Variants in GSAP observed in about 807,000 individuals in gnomAD.
The protein encoded by GSAP is gamma-secretase activating protein.
Under a neutral mutation model 131.7 loss-of-function variants are expected in GSAP, and 118 were observed. That is an observed-to-expected ratio of 0.90 (90% confidence interval 0.77 to 1.04). The LOEUF is 1.04. Ranked by LOEUF, GSAP falls within the 50% of genes least tolerant of loss-of-function variation. GSAP has a pLI of 0.00. For synonymous variants in GSAP, 381 were observed against 363.4 expected (o/e 1.05, Z -0.55); for missense variants, 1,019 against 1,013.2 (o/e 1.01, Z -0.08).
intron 19 of GSAP, among the ~76,000 whole-genome samples, chr7:77,348,324 G>A (rs1436672847): frequency 6.6e-6 from 1 of 152,092 alleles, no homozygotes; most frequent in East Asian, 1.9e-4. Context: ...TCATATGTTA[G>A]TAGGACTTCA....
At chr7:77,344,854 A>G (rs548656542) in intron 19 of GSAP, among the ~76,000 whole-genome samples, 6 of 152,200 alleles carry the variant, frequency 3.9e-5, no homozygotes, top group African/African-American at 1.4e-4. Flanking sequence ...GCCATTTCTA[A>G]TCCTTCTTTA....
chr7:77,406,619 A>G (rs1419240383), intron 1 of GSAP, among the ~76,000 whole-genome samples: 1 of 152,234 alleles, frequency 6.6e-6, no homozygotes, highest in East Asian at 1.9e-4. Context: ...TCAAGCTTTT[A>G]ATCACTTACT....
intron 4 of GSAP, 23 bp downstream of exon 4, chr7:77,397,323 G>A: frequency 1.4e-6 from 2 of 1,448,586 alleles, no homozygotes; most frequent in Non-Finnish European, 1.9e-6. Flanking sequence ...TTCTTGACAT[G>A]TAGCAATAAG....
chr7:77,403,046 TCA>T (rs774507317), intron 3 of GSAP, among the ~76,000 whole-genome samples: 14 of 152,188 alleles, frequency 9.2e-5, no homozygotes, highest in Non-Finnish European at 1.2e-4. Flanking sequence ...TGTCAAGTGC[TCA>T]CAGTCTTGGG....
intron 12 of GSAP, among the ~76,000 whole-genome samples, chr7:77,366,681 TTC>T (rs1215703812): frequency 2.6e-5 from 4 of 152,220 alleles, no homozygotes; most frequent in African/African-American, 9.7e-5. Flanking sequence ...TCCAGCTTTG[TTC>T]TTTTTGCTTA....
At chr7:77,317,743 A>G (rs1787054192) in intron 26 of GSAP, among the ~76,000 whole-genome samples, 1 of 152,238 alleles carries the variant, frequency 6.6e-6, no homozygotes, top group African/African-American at 2.4e-5. Flanking sequence ...AAGCTTGAAT[A>G]TCTGTAATGA....
At chr7:77,362,554 A>G in intron 13 of GSAP, 29 bp downstream of exon 13, 1 of 1,200,660 alleles carries the variant, frequency 8.3e-7, no homozygotes, top group Non-Finnish European at 1.2e-6. Flanking sequence ...GTTATTATGT[A>G]AAAGTAACAA....
At position 77,311,955 on chromosome 7, in the gene GSAP, AC is replaced by A; in HGVS notation, c.2374-16del. The A allele has an allele frequency of 6.9e-7, 1 of 1,458,042 alleles. No homozygotes were observed. The highest frequency in any genetic ancestry group is 9.6e-7 in the Non-Finnish European group (1 of 1,037,834). 90.3% of individuals were successfully genotyped at this position (1,458,042 alleles called of 1,614,324 possible). On this transcript the variant is annotated splice_polypyrimidine_tract_variant and intron_variant, in intron 29 of 30. Coordinates refer to ENST00000257626, the MANE Select transcript of GSAP (RefSeq NM_017439.4). ...GAATTCCGAGGCTAAAAGGGAAACCACTTCTGGTGTAAGCTGATTCTCCACA... is the reference window on the plus strand; with the variant it reads ...GAATTCCGAGGCTAAAAGGGAAACCATTCTGGTGTAAGCTGATTCTCCACA...
chr7:77,318,392 C>T (rs931978026), intron 26 of GSAP, among the ~76,000 whole-genome samples: 9 of 152,130 alleles, frequency 5.9e-5, no homozygotes, highest in South Asian at 4.1e-4. Flanking sequence ...TTCAACAGTA[C>T]GTGGCACAAA....
At chr7:77,407,612 GCATCCTTGACTTATTATGTTTTAGT>G (rs1334107767) in intron 1 of GSAP, among the ~76,000 whole-genome samples, 6 of 151,986 alleles carry the variant, frequency 3.9e-5, no homozygotes, top group Non-Finnish European at 5.9e-5. Context: ...GTTGTAACAG[GCATCCTTGACTTATTATGTTTTAGT>G]ATTATGTGAT....
chr7:77,357,109 G>A (rs757498189), intron 14 of GSAP, among the ~76,000 whole-genome samples: 1 of 152,148 alleles, frequency 6.6e-6, no homozygotes, highest in Non-Finnish European at 1.5e-5. Context: ...TATGTCCGTG[G>A]GGTGGTGGCA....
chr7:77,415,312 C>G (rs2151247305), intron 1 of GSAP, among the ~76,000 whole-genome samples: 1 of 152,306 alleles, frequency 6.6e-6, no homozygotes, highest in East Asian at 1.9e-4. Flanking sequence ...ATACCCACTT[C>G]CAAATTCACT....
intron 16 of GSAP, 185 bp from the exon 17 acceptor site, chr7:77,353,826 T>G: frequency 2.1e-6 from 1 of 479,378 alleles, no homozygotes; most frequent in Non-Finnish European, 3.7e-6. Context: ...AAACGGTATT[T>G]TATAAGTGAG....
At chr7:77,334,203 G>T (rs1409833346) in intron 19 of GSAP, among the ~76,000 whole-genome samples, 1 of 152,100 alleles carries the variant, frequency 6.6e-6, no homozygotes, top group East Asian at 1.9e-4. Flanking sequence ...ACTGGATCAA[G>T]AAAATGTGGT....
Position 77,321,406 on chromosome 7 carries a change from G to T in GSAP, c.1924-3C>A. 1 of 1,591,798 alleles carries T rather than the reference G, an allele frequency of 6.3e-7. No individual in the cohort carries two copies. Among genetic ancestry groups the T allele is most frequent in the East Asian group, 2.2e-5 (1 of 44,730 alleles). On this transcript the variant is annotated splice_region_variant and splice_polypyrimidine_tract_variant and intron_variant, in intron 24 of 30. Coordinates refer to ENST00000257626, the MANE Select transcript of GSAP (RefSeq NM_017439.4). ...ACGATGTGGCAAATGAGATCCAGCTGGAGGGTGAAGACAGTCCATTAACCA... is the reference window on the plus strand; with the variant it reads ...ACGATGTGGCAAATGAGATCCAGCTTGAGGGTGAAGACAGTCCATTAACCA...
intron 26 of GSAP, among the ~76,000 whole-genome samples, chr7:77,317,881 T>C (rs1230005445): frequency 6.6e-6 from 1 of 152,202 alleles, no homozygotes. Flanking sequence ...ACCTCATAAC[T>C]CATATTCCAT....
At chr7:77,376,046 C>T (rs540017333) in intron 10 of GSAP, among the ~76,000 whole-genome samples, 17 of 152,090 alleles carry the variant, frequency 1.1e-4, no homozygotes, top group South Asian at 4.1e-4. Flanking sequence ...TCAGGGGTAA[C>T]GCTAGATTTT....
At chr7:77,349,314 G>C in intron 19 of GSAP, 37 bp downstream of exon 19, 1 of 1,463,180 alleles carries the variant, frequency 6.8e-7, no homozygotes, top group Middle Eastern at 1.7e-4. Flanking sequence ...CTTTAGTCAT[G>C]TATCTGTACT....
intron 18 of GSAP, chr7:77,351,506 T>G (rs1265269858): frequency 1.0e-5 from 10 of 979,722 alleles, no homozygotes; most frequent in Non-Finnish European, 1.1e-5. Context: ...TGATAGATTT[T>G]CAAGATTAGA....
Sources: gnomAD v4.1 joint callset for allele counts (sites outside exome capture counted in the v4.1 genomes callset) on GRCh38, gnomAD v4.1.1 for gene constraint, MANE v1.5 for transcripts, NCBI Gene and HGNC (gene_info 2026-07-23, HGNC 2026-07-21) for gene names.